Variants in ZNF385D observed in about 807,000 individuals in gnomAD.
The protein encoded by ZNF385D is zinc finger protein 659.
Under a neutral mutation model 35.8 loss-of-function variants are expected in ZNF385D, and 15 were observed. The observed-to-expected ratio is 0.42, with a 90% CI of 0.28 to 0.64. ZNF385D has a LOEUF of 0.64. Among genes scored for constraint, ZNF385D ranks in the 30% least tolerant of loss-of-function variants. ZNF385D has a pLI of 0.23. For missense variants in ZNF385D, 474 were observed against 494.6 expected, an observed-to-expected ratio of 0.96 and a Z score of 0.39; for synonymous variants, 212 against 186.8, an observed-to-expected ratio of 1.13 and a Z score of -1.10.
chr3:21,877,949 G>A (rs999649887), intron 3 of ZNF385D: 6 of 151,912 alleles, frequency 3.9e-5, no homozygotes, highest in Admixed American at 6.6e-5. Context: ...AATTACAACA[G>A]CAATGAAGAT....
intron 2 of ZNF385D, among the ~76,000 whole-genome samples, chr3:22,196,514 T>G (rs180792850): frequency 6.6e-6 from 1 of 152,222 alleles, no homozygotes; most frequent in East Asian, 1.9e-4. Context: ...ACTATTTTGT[T>G]TTTATTGCAT....
At chr3:21,537,124 C>CT (rs35873199) in intron 3 of ZNF385D, among the ~76,000 whole-genome samples, 61,890 of 95,018 alleles carry the variant, frequency 0.65, 21,622 homozygotes, top group East Asian at 0.81. Context: ...AAAATATCAA[C>CT]TTTTTTTTTT....
intron 3 of ZNF385D, among the ~76,000 whole-genome samples, chr3:21,835,555 A>C (rs559912070): frequency 6.6e-6 from 1 of 152,088 alleles, no homozygotes; most frequent in Admixed American, 6.6e-5. Flanking sequence ...ACGTATGTTC[A>C]CTAAGGATAA....
chr3:21,445,786 G>A (rs1051164830), intron 4 of ZNF385D, among the ~76,000 whole-genome samples: 41 of 152,132 alleles, frequency 2.7e-4, no homozygotes, highest in Admixed American at 1.8e-3. Flanking sequence ...TTATATCCCT[G>A]TCAGGTAGGT....
At chr3:21,453,032 T>C (rs1462409094) in intron 4 of ZNF385D, among the ~76,000 whole-genome samples, 2 of 151,948 alleles carry the variant, frequency 1.3e-5, no homozygotes, top group South Asian at 2.1e-4. Flanking sequence ...CATAGATCAA[T>C]GAAATAGAAT....
chr3:21,763,887 T>C (rs950630137), intron 3 of ZNF385D, among the ~76,000 whole-genome samples: 4 of 152,164 alleles, frequency 2.6e-5, no homozygotes, highest in Non-Finnish European at 5.9e-5. Flanking sequence ...TTCTAACATA[T>C]AGTCATTGAA....
At chr3:22,325,279 A>G (rs1396649445) in intron 2 of ZNF385D, among the ~76,000 whole-genome samples, 1 of 152,188 alleles carries the variant, frequency 6.6e-6, no homozygotes, top group Non-Finnish European at 1.5e-5. Context: ...GAACTTTTAC[A>G]TGTGGCTAGT....
chr3:21,791,325 T>C (rs1351080478), intron 3 of ZNF385D, among the ~76,000 whole-genome samples: 1 of 152,190 alleles, frequency 6.6e-6, no homozygotes, highest in Non-Finnish European at 1.5e-5. Context: ...CTTCAGTGGC[T>C]CAAAGTAAGA....
chr3:22,180,327 C>T (rs534382788), intron 2 of ZNF385D, among the ~76,000 whole-genome samples: 4 of 152,160 alleles, frequency 2.6e-5, no homozygotes, highest in African/African-American at 2.4e-5. Flanking sequence ...CAGGACAAGA[C>T]GGATTCACAG....
At chr3:22,356,023 C>T (rs1034986689) in intron 2 of ZNF385D, among the ~76,000 whole-genome samples, 1 of 151,886 alleles carries the variant, frequency 6.6e-6, no homozygotes, top group African/African-American at 2.4e-5. Context: ...TTCCAAAGAT[C>T]CAGCATGTAA....
intron 4 of ZNF385D, among the ~76,000 whole-genome samples, chr3:21,474,222 A>C (rs2125354235): frequency 6.6e-6 from 1 of 152,054 alleles, no homozygotes; most frequent in South Asian, 2.1e-4. Flanking sequence ...ACGTAGGGAA[A>C]CCTAAAGGAA....
At chr3:21,716,793 T>A (rs991739310) in intron 1 of ZNF385D, among the ~76,000 whole-genome samples, 3 of 152,178 alleles carry the variant, frequency 2.0e-5, no homozygotes, top group South Asian at 2.1e-4. Context: ...TTGTTGTTTT[T>A]TGTTTTGTTT....
chr3:22,018,742 A>G (rs551058186), intron 3 of ZNF385D, among the ~76,000 whole-genome samples: 2 of 152,044 alleles, frequency 1.3e-5, no homozygotes, highest in African/African-American at 4.8e-5. Flanking sequence ...CTTGGGTTAT[A>G]TTTTACCAAA....
chr3:21,867,742 TAAA>T (rs5847148), intron 3 of ZNF385D, among the ~76,000 whole-genome samples: 71 of 148,634 alleles, frequency 4.8e-4, no homozygotes, highest in East Asian at 1.2e-3. Flanking sequence ...GTAGGAAAAG[TAAA>T]AAAAAAAAAA....
intron 3 of ZNF385D, among the ~76,000 whole-genome samples, chr3:22,092,457 T>C (rs998268850): frequency 1.2e-4 from 18 of 152,146 alleles, no homozygotes; most frequent in African/African-American, 4.3e-4. Context: ...AGAGTGCTGC[T>C]TGTATGACAC....
intron 3 of ZNF385D, among the ~76,000 whole-genome samples, chr3:21,975,322 A>G (rs1354600387): frequency 1.3e-5 from 2 of 152,200 alleles, no homozygotes. Context: ...CAAACTTCCT[A>G]TGTTCTCACT....
chr3:21,634,093 A>C (rs2065356299), intron 2 of ZNF385D, among the ~76,000 whole-genome samples: 1 of 151,968 alleles, frequency 6.6e-6, no homozygotes, highest in South Asian at 2.1e-4. Context: ...GCTACTAGGG[A>C]GGCTGAAGTG....
rs77613310 is a variant in ZNF385D, at chr3:22,258,531, C to G, written c.107-89496G>C. Among the ~76,000 whole-genome samples, 733 of 151,548 alleles carry G rather than the reference C, an allele frequency of 4.8e-3. 4 individuals are homozygous for G. Among genetic ancestry groups the G allele is most frequent in the African/African-American group, 0.017 (698 of 41,426 alleles). On this transcript the variant is annotated intron_variant, in intron 2 of 5. Transcript: ENST00000494108. ...TTTTTAAAGAATGACTAAAAAAAGG[C>G]CTCTCTGGGTAGCAGAACTTGTAAT...
At chr3:21,713,827 G>C (rs955341203) in intron 1 of ZNF385D, among the ~76,000 whole-genome samples, 2 of 152,108 alleles carry the variant, frequency 1.3e-5, no homozygotes, top group Admixed American at 6.5e-5. Context: ...TAGAATCTCA[G>C]TTTCAAACAT....
Sources: allele counts gnomAD v4.1 joint callset (sites outside exome capture counted in the v4.1 genomes callset), GRCh38; gene constraint gnomAD v4.1.1; transcripts MANE v1.5; gene names NCBI Gene and HGNC (gene_info 2026-07-23, HGNC 2026-07-21).